Variants in SEPTIN7 observed in about 807,000 individuals in gnomAD.
The protein encoded by SEPTIN7 is septin-7.
SEPTIN7 carries 10 observed loss-of-function variants against 63.3 expected under a neutral mutation model. The ratio of observed to expected loss-of-function variants is 0.16; its 90% CI spans 0.10 to 0.27. SEPTIN7 has a LOEUF of 0.27. SEPTIN7 is among the 10% of genes least tolerant of loss of function. The pLI is 1.00. For synonymous variants in SEPTIN7, 131 were observed against 165.3 expected, an observed-to-expected ratio of 0.79 and a Z score of 1.59; for missense variants, 310 against 521.0, an observed-to-expected ratio of 0.59 and a Z score of 3.94.
At chr7:35,876,588 A>C (rs532865199) in intron 6 of SEPTIN7, among the ~76,000 whole-genome samples, 1 of 152,364 alleles carries the variant, frequency 6.6e-6, no homozygotes, top group East Asian at 1.9e-4. Context: ...CTGTAATCCC[A>C]GCACTTTGGG....
intron 5 of SEPTIN7, among the ~76,000 whole-genome samples, chr7:35,872,979 T>C (rs887084489): frequency 1.3e-4 from 20 of 152,130 alleles, no homozygotes; most frequent in Non-Finnish European, 5.9e-5. Context: ...ATGGAGATAA[T>C]ACCTATCATA....
chr7:35,885,050 A>G (rs1321479095), intron 9 of SEPTIN7, among the ~76,000 whole-genome samples: 5 of 151,744 alleles, frequency 3.3e-5, no homozygotes, highest in Admixed American at 1.3e-4. Context: ...AGGTCTTGCT[A>G]TGTTGCCCAA....
intron 2 of SEPTIN7, 157 bp from the exon 3 acceptor site, chr7:35,832,641 A>G (rs1783889067): frequency 3.2e-6 from 2 of 616,890 alleles, no homozygotes; most frequent in Admixed American, 2.4e-5. Context: ...TTGTCCATTT[A>G]AGAATTGATA....
intron 1 of SEPTIN7, among the ~76,000 whole-genome samples, chr7:35,813,777 TTTACCAACCA>T (rs767293381): frequency 1.3e-5 from 2 of 152,216 alleles, no homozygotes; most frequent in Non-Finnish European, 1.5e-5. Context: ...CTGAGAAGCT[TTTACCAACCA>T]TGACATGATG....
At chr7:35,869,777 C>T (rs1786033881) in intron 4 of SEPTIN7, among the ~76,000 whole-genome samples, 1 of 152,162 alleles carries the variant, frequency 6.6e-6, no homozygotes, top group Admixed American at 6.5e-5. Context: ...CAAAAGAGGT[C>T]TCAATAGATG....
At chr7:35,908,124 G>C (rs1235778308), downstream of SEPTIN7, among the ~76,000 whole-genome samples, 2 of 152,150 alleles carry the variant, frequency 1.3e-5, no homozygotes, top group African/African-American at 2.4e-5. Flanking sequence ...TTAGTAATTG[G>C]AGTTATAAAA....
chr7:35,834,641 A>G (rs1783992828), intron 3 of SEPTIN7, among the ~76,000 whole-genome samples: 1 of 152,116 alleles, frequency 6.6e-6, no homozygotes, highest in South Asian at 2.1e-4. Context: ...CTACATTTGA[A>G]TAGATATATT....
intron 1 of SEPTIN7, among the ~76,000 whole-genome samples, chr7:35,815,699 C>T (rs1251668668): frequency 6.6e-6 from 1 of 152,140 alleles, no homozygotes; most frequent in African/African-American, 2.4e-5. Context: ...AATCAAAATA[C>T]TTTTTTCCAA....
chr7:35,881,727 G>T (rs902373412), intron 7 of SEPTIN7, among the ~76,000 whole-genome samples: 14 of 151,816 alleles, frequency 9.2e-5, no homozygotes, highest in Non-Finnish European at 1.8e-4. Context: ...CCATTGGTTT[G>T]TTATGGGTTC....
At chr7:35,872,600 T>A in intron 4 of SEPTIN7, 66 bp from the exon 5 acceptor site, 1 of 1,226,086 alleles carries the variant, frequency 8.2e-7, no homozygotes, top group Non-Finnish European at 1.2e-6. Context: ...GTCCCTACCA[T>A]CACCCCTTGT....
chr7:35,813,211 G>A (rs574860238), intron 1 of SEPTIN7, among the ~76,000 whole-genome samples: 14 of 152,234 alleles, frequency 9.2e-5, no homozygotes, highest in African/African-American at 2.2e-4. Context: ...ACACAAATAA[G>A]TTACAGCAGA....
intron 1 of SEPTIN7, among the ~76,000 whole-genome samples, chr7:35,828,176 A>G (rs1322907634): frequency 1.3e-5 from 2 of 152,208 alleles, no homozygotes; most frequent in African/African-American, 4.8e-5. Context: ...CTTTGTCACC[A>G]TGTTACTGAG....
At position 35,872,785 on chromosome 7, in the gene SEPTIN7, C is replaced by T. The variant is rs1786231722; in HGVS notation, c.377+19C>T. 1 of 1,546,602 alleles carries T rather than the reference C, an allele frequency of 6.5e-7. No homozygotes were observed. Among genetic ancestry groups the T allele is most frequent in the Non-Finnish European group, 8.9e-7 (1 of 1,118,796 alleles). ...GTAATTGGTAAGAAGGGTTTGTCCT[C>T]ACAACTTTGCAGTGCATTTGGGGTA... On this transcript the variant is annotated intron_variant, in intron 5 of 13. Transcript: ENST00000350320.
At chr7:35,879,486 T>C (rs1489750958) in intron 6 of SEPTIN7, 1 of 58,422 alleles carries the variant, frequency 1.7e-5, no homozygotes, top group Non-Finnish European at 4.0e-5. Flanking sequence ...CTTAAAAAAT[T>C]AAATAAAAAA....
At chr7:35,834,537 G>T (rs1055003080) in intron 3 of SEPTIN7, among the ~76,000 whole-genome samples, 4 of 151,964 alleles carry the variant, frequency 2.6e-5, no homozygotes. Context: ...GACTTCAACT[G>T]AGGCCAAAGA....
chr7:35,812,683 G>A (rs1165951846), intron 1 of SEPTIN7, among the ~76,000 whole-genome samples: 2 of 151,952 alleles, frequency 1.3e-5, no homozygotes, highest in African/African-American at 2.4e-5. Context: ...ATAAACAAAG[G>A]ACCTTTTTCC....
chr7:35,886,135 A>G (rs74813235), intron 10 of SEPTIN7, among the ~76,000 whole-genome samples: 2,252 of 152,336 alleles, frequency 0.015, 51 homozygotes, highest in African/African-American at 0.05. Context: ...GAGATTTAAT[A>G]CTGAAATAAC....
At position 35,814,558 on chromosome 7, in the gene SEPTIN7, C is replaced by T. The variant is rs754917919; in HGVS notation, c.61+13288C>T. Among the ~76,000 whole-genome samples the T allele has an allele frequency of 2.0e-5, 3 of 152,056 alleles. No homozygotes were observed. In the East Asian group the frequency reaches 5.8e-4, roughly 29 times the overall value. On this transcript the variant is annotated intron_variant, in intron 1 of 13. Transcript: ENST00000350320. ...TACACTATTTCTCATTACACTTTTACCCACTAACTTTAGTATCTTGTCAAT... is the reference window on the plus strand; with the variant it reads ...TACACTATTTCTCATTACACTTTTATCCACTAACTTTAGTATCTTGTCAAT...
At chr7:35,811,752 G>T (rs1343249407) in intron 1 of SEPTIN7, among the ~76,000 whole-genome samples, 1 of 151,854 alleles carries the variant, frequency 6.6e-6, no homozygotes, top group South Asian at 2.1e-4. Flanking sequence ...GGCTGGGCGC[G>T]GTGGCTCATG....
Sources: gnomAD v4.1 joint callset for allele counts (sites outside exome capture counted in the v4.1 genomes callset) on GRCh38, gnomAD v4.1.1 for gene constraint, MANE v1.5 for transcripts, NCBI Gene and HGNC (gene_info 2026-07-23, HGNC 2026-07-21) for gene names.